The following ZNF600 variants were observed in gnomAD, a reference collection of about 807,000 sequenced individuals.
The protein encoded by ZNF600 is zinc finger protein 600.
A neutral mutation model predicts 7.3 loss-of-function variants in ZNF600; 4 were observed. The observed-to-expected ratio is 0.55, with a 90% CI of 0.27 to 1.25. The LOEUF is 1.25. Ranked by LOEUF, ZNF600 falls within the 50% of genes most tolerant of loss-of-function variation. The pLI is 0.12. For missense variants in ZNF600, 911 were observed against 922.1 expected, an observed-to-expected ratio of 0.99 and a Z score of 0.16; for synonymous variants, 290 against 308.9, an observed-to-expected ratio of 0.94 and a Z score of 0.64.
At chr19:52,807,805 TG>T in the ZNF600 span, 2 of 938,982 alleles carry the variant, frequency 2.1e-6, no homozygotes, top group Non-Finnish European at 3.1e-6. Flanking sequence ...ACTTTACTTC[TG>T]GAAGCTCCAC....
chr19:52,787,401 CTTTTTTTTTTTT>C (rs1167453014), upstream of ZNF600, among the ~76,000 whole-genome samples: 1 of 114,834 alleles, frequency 8.7e-6, no homozygotes, highest in Non-Finnish European at 1.8e-5. Context: ...CGCTCTTTTA[CTTTTTTTTTTTT>C]TTTTTTTTTT....
chr19:52,811,078 G>A, the ZNF600 span, among the ~76,000 whole-genome samples: 2 of 149,930 alleles, frequency 1.3e-5, no homozygotes, highest in East Asian at 3.9e-4. Context: ...TTTTTTGGTG[G>A]AGACGGGGTT....
At chr19:52,805,666 A>ATAAATAAATAAATAAATAAC in the ZNF600 span, 8 of 151,388 alleles carry the variant, frequency 5.3e-5, no homozygotes, top group African/African-American at 1.7e-4. Flanking sequence ...AAATAAATAA[A>ATAAATAAATAAATAAATAAC]TAAAGTTCTC....
At chr19:52,816,207 TA>T in the ZNF600 span, among the ~76,000 whole-genome samples, 1 of 124,534 alleles carries the variant, frequency 8.0e-6, no homozygotes, top group East Asian at 2.0e-4. Flanking sequence ...TGTTTACATA[TA>T]ACCATTTATA....
chr19:52,801,437 A>C, the ZNF600 span: 1 of 1,614,180 alleles, frequency 6.2e-7, no homozygotes, highest in South Asian at 1.1e-5. Flanking sequence ...GCTGATCTTT[A>C]ATATGCTTGT....
rs779444856 is a variant in ZNF600 at position 52,782,880 on chromosome 19, T to G, written c.-20+3715A>C. 1.5e-3 allele frequency among the ~76,000 whole-genome samples: 227 copies of G among 148,188 alleles called. 4 individuals carry two copies. The highest frequency in any genetic ancestry group is 4.0e-3 in the South Asian group (19 of 4,708). ...ACAGAGAAAGACTCCATCTCAAAAA[T>G]AAAAAATAAATAAATAAATAATCAC... On this transcript the variant is annotated intron_variant, in intron 1 of 3. Transcript: ENST00000648973.
the ZNF600 span, among the ~76,000 whole-genome samples, chr19:52,796,364 C>T: frequency 1.3e-5 from 2 of 152,138 alleles, no homozygotes; most frequent in Non-Finnish European, 2.9e-5. Flanking sequence ...TTGTTCCGGT[C>T]TGGAAAGGTG....
chr19:52,783,503 AGGCGCCC>A (rs2147576676), intron 1 of ZNF600, among the ~76,000 whole-genome samples: 1 of 151,980 alleles, frequency 6.6e-6, no homozygotes, highest in East Asian at 2.0e-4. Flanking sequence ...CCGGGACTAC[AGGCGCCC>A]GCCACCACGC....
At chr19:52,796,144 A>C in the ZNF600 span, among the ~76,000 whole-genome samples, 1 of 152,162 alleles carries the variant, frequency 6.6e-6, no homozygotes, top group African/African-American at 2.4e-5. Context: ...CACTGCTTTC[A>C]TGCCTGGGCA....
chr19:52,786,534 G>A (rs2062765108), intron 1 of ZNF600, 61 bp downstream of exon 1: 1 of 166,174 alleles, frequency 6.0e-6, no homozygotes, highest in Non-Finnish European at 1.4e-5. Context: ...AGAAAGACCG[G>A]GGACGGGACC....
intron 3 of ZNF600, among the ~76,000 whole-genome samples, chr19:52,768,152 G>A (rs1488613953): frequency 6.6e-6 from 1 of 150,716 alleles, no homozygotes; most frequent in Non-Finnish European, 1.5e-5. Flanking sequence ...GTGTACAAAT[G>A]CTAAAAAAAA....
upstream of ZNF600, among the ~76,000 whole-genome samples, chr19:52,789,504 C>T (rs1180164522): frequency 1.3e-5 from 2 of 152,160 alleles, no homozygotes; most frequent in Non-Finnish European, 2.9e-5. Flanking sequence ...TTCCACCTGA[C>T]GAGAAATGCC....
the ZNF600 span, chr19:52,821,764 G>A: frequency 1.3e-5 from 2 of 152,186 alleles, no homozygotes; most frequent in African/African-American, 4.8e-5. Flanking sequence ...GCAGAGGGCG[G>A]GGCCGGAGCG....
At chr19:52,823,719 AT>A in the ZNF600 span, among the ~76,000 whole-genome samples, 3 of 152,152 alleles carry the variant, frequency 2.0e-5, no homozygotes, top group African/African-American at 4.8e-5. Context: ...ACCTTCAGAA[AT>A]ACATCCTTGG....
chr19:52,816,422 T>C, the ZNF600 span, among the ~76,000 whole-genome samples: 1 of 145,726 alleles, frequency 6.9e-6, no homozygotes, highest in Non-Finnish European at 1.5e-5. Context: ...CCCAGCACTT[T>C]GGGAGGCTGA....
chr19:52,779,075 G>A (rs1289010776), intron 1 of ZNF600, among the ~76,000 whole-genome samples, 168 bp from the exon 4 acceptor site: 2 of 152,100 alleles, frequency 1.3e-5, no homozygotes, highest in Non-Finnish European at 2.9e-5. Context: ...ACCTATAAGT[G>A]TGTTTGACCC....
chr19:52,787,752 A>AG (rs1400564160), upstream of ZNF600, among the ~76,000 whole-genome samples: 1 of 148,060 alleles, frequency 6.8e-6, no homozygotes, highest in African/African-American at 2.5e-5. Context: ...CCCAGCTACT[A>AG]GGGAGGCTGA....
chr19:52,799,375 T>G, the ZNF600 span: 3 of 576,422 alleles, frequency 5.2e-6, no homozygotes, highest in East Asian at 3.1e-5. Context: ...TCAGCATGCA[T>G]TTTCTTATGT....
At position 52,779,253 on chromosome 19, in the gene ZNF600, T is replaced by C. The variant is rs62117458; in HGVS notation, c.-19-346A>G. 8.5e-3 allele frequency among the ~76,000 whole-genome samples: 1,298 copies of C among 152,192 alleles called. 6 individuals are homozygous for C. Among genetic ancestry groups the C allele is most frequent in the Non-Finnish European group, 0.014 (951 of 68,020 alleles). On this transcript the variant is annotated intron_variant, in intron 1 of 3. Transcript: ENST00000648973. ...GTGGATCACAGGCTGAGCTCAGCCCTCAGAAATGGAGGACAAAGATGCTCA... is the reference window on the plus strand; with the variant it reads ...GTGGATCACAGGCTGAGCTCAGCCCCCAGAAATGGAGGACAAAGATGCTCA...
Sources: gnomAD v4.1 joint callset for allele counts (sites outside exome capture counted in the v4.1 genomes callset) on GRCh38, gnomAD v4.1.1 for gene constraint, MANE v1.5 for transcripts, NCBI Gene and HGNC (gene_info 2026-07-23, HGNC 2026-07-21) for gene names.